The following NLRP5 variants were observed in gnomAD, a reference collection of about 807,000 sequenced individuals.
NLRP5 encodes NLR family pyrin domain containing 5.
Under a neutral mutation model 113.1 loss-of-function variants are expected in NLRP5, and 93 were observed. The ratio of observed to expected loss-of-function variants is 0.82; its 90% CI spans 0.70 to 0.98. NLRP5 has a LOEUF of 0.98. Among genes scored for constraint, NLRP5 ranks in the 50% least tolerant of loss-of-function variants. The pLI, the probability that NLRP5 is intolerant of heterozygous loss-of-function variation, is 0.00. For synonymous variants in NLRP5, 751 were observed against 600.7 expected, an observed-to-expected ratio of 1.25 and a Z score of -3.66; for missense variants, 1,808 against 1,514.3, an observed-to-expected ratio of 1.19 and a Z score of -3.22.
rs1982882651 is a variant in NLRP5, at chr19:56,027,032, G to C, written c.799G>C (p.Ala267Pro). ...TGACTGGCCGGAAATGCAAACGTTG[G>C]CTGGTGCTTTTGATTCAGACCGGTG... The change falls in exon 7 of 15, where the codon GCT becomes CCT. Residue 267 changes from alanine (A) to proline (P), a missense_variant. Transcript: ENST00000390649. 5.8e-6 allele frequency: 9 copies of C among 1,552,404 alleles called. No homozygotes were observed. Among genetic ancestry groups the C allele is most frequent in the Non-Finnish European group, 7.0e-6 (8 of 1,147,476 alleles).
intron 13 of NLRP5, among the ~76,000 whole-genome samples, chr19:56,054,902 T>G (rs546990642): frequency 2.5e-4 from 38 of 152,006 alleles, no homozygotes; most frequent in Non-Finnish European, 2.8e-4. Context: ...ACTAGTCTTG[T>G]ATGTGTGCTG....
chr19:56,029,534 G>C (rs1368273331), intron 7 of NLRP5, among the ~76,000 whole-genome samples: 1 of 152,092 alleles, frequency 6.6e-6, no homozygotes, highest in Non-Finnish European at 1.5e-5. Flanking sequence ...CCAAAGTGCT[G>C]GGATTATAGG....
At chr19:56,057,401 C>T (rs2123345222) in intron 13 of NLRP5, among the ~76,000 whole-genome samples, 1 of 152,244 alleles carries the variant, frequency 6.6e-6, no homozygotes, top group East Asian at 1.9e-4. Flanking sequence ...CTTAGTATGA[C>T]CTAGGTGCCC....
In NLRP5 at chr19:56,008,149, C is replaced by G. The variant is rs184723250; in HGVS notation, c.443-639C>G. Among the ~76,000 whole-genome samples the G allele has an allele frequency of 8.5e-3, 1,282 of 151,412 alleles. 16 individuals are homozygous for G. The highest frequency in any genetic ancestry group is 0.029 in the African/African-American group (1,198 of 41,364). On this transcript the variant is annotated intron_variant, in intron 2 of 14. Transcript: ENST00000390649. Reference sequence around the variant, plus strand: ...TTCACCATGTTAGCCAGGATGGTCTCGATCTCCTGACCTCGTGATCCACCT... The same window carrying G: ...TTCACCATGTTAGCCAGGATGGTCTGGATCTCCTGACCTCGTGATCCACCT...
At chr19:55,988,743 TTAATTC>T in the NLRP5 span, 1 of 151,978 alleles carries the variant, frequency 6.6e-6, no homozygotes, top group Admixed American at 6.6e-5. Context: ...AGGGAAATGT[TTAATTC>T]AAATTACGTG....
At chr19:56,049,518 C>T (rs191446693) in intron 11 of NLRP5, among the ~76,000 whole-genome samples, 3 of 150,602 alleles carry the variant, frequency 2.0e-5, no homozygotes, top group African/African-American at 7.3e-5. Context: ...CCATGTTGGC[C>T]AGGATGGTCT....
rs1169138532 is a variant in NLRP5 at position 56,006,601 on chromosome 19, A to G, written c.443-2187A>G. On this transcript the variant is annotated intron_variant, in intron 2 of 14. Transcript: ENST00000390649. ...ACAAAAATTAGCCAGGCATGGTGGC[A>G]CACACCTGTAATCCCAGCTACTTGG... Among the ~76,000 whole-genome samples the G allele has an allele frequency of 4.6e-5, 7 of 151,962 alleles. No homozygotes were observed. The South Asian group carries it at 1.2e-3, about 27-fold the overall frequency.
chr19:55,990,943 C>A, the NLRP5 span, among the ~76,000 whole-genome samples: 1 of 152,098 alleles, frequency 6.6e-6, no homozygotes. Flanking sequence ...GAGATCATAT[C>A]ACTGTACTCT....
rs764454968 is a variant in NLRP5 at position 56,028,193 on chromosome 19, G to A, written c.1960G>A (p.Gly654Ser). 1 of 1,613,936 alleles carries A rather than the reference G, an allele frequency of 6.2e-7. No homozygotes were observed. The highest frequency in any genetic ancestry group is 1.1e-5 in the South Asian group (1 of 91,082). Residue 654 changes from glycine (G) to serine (S), a missense_variant, in exon 7 of 15, where the codon GGC becomes AGC. Transcript: ENST00000390649. ...AAGGAGGCCACTGGAGGTCCTGCTG[G>A]GCTGTCCCGTTCCCCTGGGGGTGAA...
At chr19:56,052,152 CT>C (rs1375813444) in intron 12 of NLRP5, among the ~76,000 whole-genome samples, 1 of 152,054 alleles carries the variant, frequency 6.6e-6, no homozygotes. Flanking sequence ...GCCCTCACAA[CT>C]GCATCCGTTT....
chr19:56,061,619 T>C lies in NLRP5; in HGVS notation c.*91T>C, dbSNP rs1220511220. The C allele has an allele frequency of 7.4e-7, 1 of 1,359,198 alleles. No individual in the cohort carries two copies. Among genetic ancestry groups the C allele is most frequent in the Admixed American group, 1.8e-5 (1 of 54,204 alleles). 84.2% of individuals were successfully genotyped at this position (1,359,198 alleles called of 1,614,324 possible). A position where few individuals can be genotyped will look rare whatever the true frequency, so the allele number is the denominator to read the frequency against. ...GCAAGCTATGCACCTGGGAGTTCCT[T>C]CTCAAAGATGGAGAATGATTTCTGA... On this transcript the variant is annotated 3_prime_UTR_variant, in exon 15 of 15. Transcript: ENST00000390649.
In NLRP5 at chr19:56,032,645, G is replaced by A. The variant is rs1200452996; in HGVS notation, c.2311G>A (p.Glu771Lys). 1 of 1,613,736 alleles carries A rather than the reference G, an allele frequency of 6.2e-7. No homozygotes were observed. Among genetic ancestry groups the A allele is most frequent in the South Asian group, 1.1e-5 (1 of 91,034 alleles). Residue 771 changes from glutamate to lysine, a missense_variant, in exon 8 of 15, where the codon GAA becomes AAA. Physicochemically the swap from Glu to Lys is moderately conservative, Grantham distance 56 (BLOSUM62 1). Coordinates refer to ENST00000390649, the MANE Select transcript of NLRP5 (RefSeq NM_153447.4). ...TAAGACCCTCATTGAGGAGCAGTGG[G>A]AAGATTTCTGCTCCATGCTTGGCAC...
At position 56,027,703 on chromosome 19, in the gene NLRP5, C is replaced by G. The variant is rs376020192; in HGVS notation, c.1470C>G (p.Ser490Arg). Residue 490 changes from serine (S) to arginine (R), a missense_variant, in exon 7 of 15, where the codon AGC becomes AGG. Coordinates refer to ENST00000390649, the MANE Select transcript of NLRP5 (RefSeq NM_153447.4). The stretch of plus-strand genomic sequence containing the variant: ...AGCTGCAGGACGTGGTGGGGGAGAG[C>G]GTCGCCCCCTTCAACCAAACGCTCA... The G allele has an allele frequency of 1.2e-6, 2 of 1,613,452 alleles. No individual in the cohort carries two copies. The highest frequency in any genetic ancestry group is 1.7e-5 in the Admixed American group (1 of 60,010).
At chr19:56,054,803 A>G (rs996733859) in intron 13 of NLRP5, among the ~76,000 whole-genome samples, 1 of 151,968 alleles carries the variant, frequency 6.6e-6, no homozygotes, top group Admixed American at 6.6e-5. Context: ...ACGGTGATGG[A>G]AATATTCTGG....
chr19:56,043,088 G>C (rs407673), intron 11 of NLRP5, among the ~76,000 whole-genome samples: 27,988 of 151,968 alleles, frequency 0.18, 2,792 homozygotes, highest in Middle Eastern at 0.22. Context: ...TATCTTTTTC[G>C]AATATTGACT....
chr19:56,034,720 C>G (rs1983248834), intron 9 of NLRP5, among the ~76,000 whole-genome samples: 1 of 152,188 alleles, frequency 6.6e-6, no homozygotes, highest in Non-Finnish European at 1.5e-5. Flanking sequence ...GAGATCCACC[C>G]AAGCAGTCAA....
the NLRP5 span, among the ~76,000 whole-genome samples, chr19:55,994,068 C>A: frequency 3.9e-5 from 6 of 152,106 alleles, no homozygotes; most frequent in Non-Finnish European, 7.3e-5. Context: ...AATGGCTGTG[C>A]TAATTTACAT....
At position 56,015,780 on chromosome 19, in the gene NLRP5, G is replaced by A. The variant is rs772513019; in HGVS notation, c.547G>A (p.Ala183Thr). The change falls in exon 4 of 15, where the codon GCA becomes ACA. Residue 183 changes from alanine (A) to threonine (T), a missense_variant. Transcript: ENST00000390649. ...TGTGCAACAAGATAGTGCCACAGCTGCAGAGACAAAAGAACAAGGTGAATG... is the reference window on the plus strand; with the variant it reads ...TGTGCAACAAGATAGTGCCACAGCTACAGAGACAAAAGAACAAGGTGAATG... 1 of 1,570,970 alleles carries A rather than the reference G, an allele frequency of 6.4e-7. No homozygotes were observed. Among genetic ancestry groups the A allele is most frequent in the South Asian group, 1.2e-5 (1 of 84,734 alleles).
intron 12 of NLRP5, among the ~76,000 whole-genome samples, chr19:56,052,501 C>T (rs1654392): frequency 0.18 from 27,361 of 152,044 alleles, 2,651 homozygotes; most frequent in Middle Eastern, 0.21. Context: ...AACTCCTGAC[C>T]TCAGGTGATC....
Sources: allele counts gnomAD v4.1 joint callset (sites outside exome capture counted in the v4.1 genomes callset), GRCh38; gene constraint gnomAD v4.1.1; transcripts MANE v1.5; gene names NCBI Gene and HGNC (gene_info 2026-07-23, HGNC 2026-07-21).